The following CLN6 variants were observed in gnomAD, a reference collection of about 807,000 sequenced individuals.
CLN6 encodes the protein ceroid-lipofuscinosis neuronal protein 6.
A neutral mutation model predicts 33.3 loss-of-function variants in CLN6; 22 were observed. The ratio of observed to expected loss-of-function variants is 0.66; its 90% CI spans 0.47 to 0.94. The LOEUF (loss-of-function observed/expected upper bound fraction) is 0.94, where lower values mean the gene tolerates loss of function less well. Among genes scored for constraint, CLN6 ranks in the 40% least tolerant of loss-of-function variants. CLN6 has a pLI of 0.00. For missense variants in CLN6, 387 were observed against 417.1 expected, an observed-to-expected ratio of 0.93 and a Z score of 0.63; for synonymous variants, 201 against 174.6, an observed-to-expected ratio of 1.15 and a Z score of -1.19.
At position 68,236,885 on chromosome 15, in the gene CLN6, C is replaced by T. The variant is rs1203804847; in HGVS notation, c.180-18235G>A. ...AAAACTGAATGGAGGCGGCCGGGCG[C>T]GGTGGCTCACGCCTGTAATCCCAGC... is the stretch of plus-strand genomic sequence containing the variant. On this transcript the variant is annotated intron_variant, in intron 1 of 6. Coordinates refer to the CLN6 transcript ENST00000538696. The surrounding 1 kb of genome is among the most constrained non-coding windows in gnomAD (Gnocchi z 4.5). Among the ~76,000 whole-genome samples the T allele has an allele frequency of 5.9e-5, 9 of 151,732 alleles. No homozygotes were observed. The highest frequency in any genetic ancestry group is 5.8e-4 in the East Asian group (3 of 5,150).
In CLN6 at chr15:68,228,825, G is replaced by A. The variant is rs781643643; in HGVS notation, c.83+677C>T. Among the ~76,000 whole-genome samples the A allele has an allele frequency of 1.3e-5, 2 of 152,114 alleles. No homozygotes were observed. On this transcript the variant is annotated intron_variant, in intron 1 of 6. Transcript: ENST00000249806. The surrounding 1 kb of genome is among the most constrained non-coding windows in gnomAD (Gnocchi z 4.4). ...TGGCACAGCGCTGGGCATACCACAG[G>A]CGCTTAAAGAATGCCTGCTGAATGC...
Position 68,218,202 on chromosome 15 carries a change from T to C in CLN6, c.198+334A>G, listed in dbSNP as rs147614883. On this transcript the variant is annotated intron_variant, in intron 2 of 6. Transcript: ENST00000249806. ...GTGCGGTGCTCCACTTCCTTTCCTA[T>C]ACCCCTTTGTCTGTCTTGGTGATTT... is the stretch of plus-strand genomic sequence containing the variant. The C allele has an allele frequency of 6.1e-4, 195 of 320,292 alleles. 2 individuals carry two copies. The East Asian group carries it at 0.011, about 18-fold the overall frequency. The allele number at this position is 320,292 out of a possible 1,614,324, so 19.8% of individuals were successfully genotyped here. A position where few individuals can be genotyped will look rare whatever the true frequency, so the allele number is the denominator to read the frequency against.
In CLN6 at chr15:68,208,065, C is replaced by A; in HGVS notation, c.*75G>T. The A allele has an allele frequency of 4.7e-6, 7 of 1,500,116 alleles. No homozygotes were observed. Among genetic ancestry groups the A allele is most frequent in the Admixed American group, 2.0e-5 (1 of 50,998 alleles). 92.9% of individuals were successfully genotyped at this position (1,500,116 alleles called of 1,614,324 possible). ...TCTCTGGTTACACACCCACACCCCC[C>A]CTACTCCTGTATTCAGATGCCCTCC... On this transcript the variant is annotated 3_prime_UTR_variant, in exon 7 of 7. Coordinates refer to ENST00000249806, the MANE Select transcript of CLN6 (RefSeq NM_017882.3). This position sits in a 1 kb window ranked among gnomAD's most constrained non-coding sequence, Gnocchi z 5.8.
chr15:68,224,221 G>A (rs537158226), intron 1 of CLN6, among the ~76,000 whole-genome samples: 2 of 127,384 alleles, frequency 1.6e-5, no homozygotes, highest in South Asian at 2.6e-4. Context: ...AGCTATGACC[G>A]TACCACTGCA....
intron 1 of CLN6, among the ~76,000 whole-genome samples, chr15:68,252,019 G>T (rs901424632): frequency 6.9e-6 from 1 of 145,354 alleles, no homozygotes; most frequent in Non-Finnish European, 1.5e-5. Flanking sequence ...TGTCGCCCAG[G>T]CTAGAGTGCA....
chr15:68,223,130 G>GA (rs879690049), intron 1 of CLN6, among the ~76,000 whole-genome samples: 1,908 of 143,134 alleles, frequency 0.013, 39 homozygotes, highest in African/African-American at 0.041. Flanking sequence ...AATAAATACT[G>GA]AAAAAAAAAA....
At chr15:68,252,712 G>A (rs547962012) in intron 1 of CLN6, among the ~76,000 whole-genome samples, 2 of 152,340 alleles carry the variant, frequency 1.3e-5, no homozygotes, top group Non-Finnish European at 2.9e-5. Flanking sequence ...TATATTCACA[G>A]AGTGCATGTA....
upstream of CLN6, among the ~76,000 whole-genome samples, chr15:68,234,263 A>G (rs1476462568): frequency 6.6e-6 from 1 of 152,112 alleles, no homozygotes; most frequent in East Asian, 1.9e-4. This position sits in a 1 kb window ranked among gnomAD's most constrained non-coding sequence, Gnocchi z 4.1. Flanking sequence ...GCAGCTCCCA[A>G]GTTTATCTTT....
Position 68,208,450 on chromosome 15 carries a change from A to G in CLN6, c.666-40T>C. 1.9e-6 allele frequency: 3 copies of G among 1,608,912 alleles called. No homozygotes were observed. The highest frequency in any genetic ancestry group is 2.5e-6 in the Non-Finnish European group (3 of 1,178,994). ...GGTGAGTGAGGCAGCTGCCGTGGCA[A>G]CCCCGTCCTGCCTGGCATCCCTTCC... On this transcript the variant is annotated intron_variant, in intron 6 of 6. Coordinates refer to ENST00000249806, the MANE Select transcript of CLN6 (RefSeq NM_017882.3). The surrounding 1 kb of genome is among the most constrained non-coding windows in gnomAD (Gnocchi z 5.8).
At chr15:68,214,133 G>A in intron 3 of CLN6, 157 bp downstream of exon 3, 1 of 638,992 alleles carries the variant, frequency 1.6e-6, no homozygotes, top group Non-Finnish European at 2.8e-6. Context: ...GCCTTCCCCG[G>A]GCCCCAGGCC....
intron 1 of CLN6, among the ~76,000 whole-genome samples, chr15:68,248,733 G>C (rs1292016761): frequency 6.6e-6 from 1 of 151,746 alleles, no homozygotes; most frequent in Non-Finnish European, 1.5e-5. Flanking sequence ...CCAGGACATT[G>C]GTCAGGGCAA....
rs1395814349 is a variant in CLN6, at chr15:68,227,736, G to C, written c.83+1766C>G. Among the ~76,000 whole-genome samples, 1 of 152,162 alleles carries C rather than the reference G, an allele frequency of 6.6e-6. No homozygotes were observed. The highest frequency in any genetic ancestry group is 1.5e-5 in the Non-Finnish European group (1 of 68,032). On this transcript the variant is annotated intron_variant, in intron 1 of 6. Transcript: ENST00000249806. This position sits in a 1 kb window ranked among gnomAD's most constrained non-coding sequence, Gnocchi z 4.1. ...TGCCAGCAAATGATGTAACCTCTTT[G>C]GGCCTCCATTTCCCCATCTGTACAT...
chr15:68,256,887 C>A lies in CLN6; in HGVS notation c.-19G>T. 1 of 661,114 alleles carries A rather than the reference C, an allele frequency of 1.5e-6. No homozygotes were observed. The highest frequency in any genetic ancestry group is 1.7e-5 in the South Asian group (1 of 60,042). The allele number at this position is 661,114 out of a possible 1,614,324, so 41.0% of individuals were successfully genotyped here. Reference sequence around the variant, plus strand: ...CTGCCATTTTCCGCCCAGGCAAGGTCCTGGGCGCGGCTCTGGGGAGGGTCA... The same window carrying A: ...CTGCCATTTTCCGCCCAGGCAAGGTACTGGGCGCGGCTCTGGGGAGGGTCA... On this transcript the variant is annotated 5_prime_UTR_variant, in exon 1 of 7. Transcript: ENST00000538696. This position sits in a 1 kb window ranked among gnomAD's most constrained non-coding sequence, Gnocchi z 4.1.
intron 1 of CLN6, among the ~76,000 whole-genome samples, chr15:68,243,536 C>T (rs1892297096): frequency 6.6e-6 from 1 of 152,056 alleles, no homozygotes; most frequent in Admixed American, 6.6e-5. Flanking sequence ...GGGTGGATCA[C>T]CTGAGGTCAA....
At chr15:68,231,444 G>A (rs2093268485), upstream of CLN6, among the ~76,000 whole-genome samples, 1 of 152,100 alleles carries the variant, frequency 6.6e-6, no homozygotes. Flanking sequence ...CACTCAGACG[G>A]GGCCCCAGAT....
chr15:68,223,303 G>C (rs1009195249), intron 1 of CLN6, among the ~76,000 whole-genome samples: 6 of 152,130 alleles, frequency 3.9e-5, no homozygotes, highest in African/African-American at 1.2e-4. Flanking sequence ...GAGATGCCTG[G>C]CTTACTGGAG....
rs1301960189 is a variant in CLN6, at chr15:68,210,366, C to T, written c.543-607G>A. Among the ~76,000 whole-genome samples the T allele has an allele frequency of 6.6e-6, 1 of 152,236 alleles. No individual in the cohort carries two copies. Among genetic ancestry groups the T allele is most frequent in the Non-Finnish European group, 1.5e-5 (1 of 68,046 alleles). ...GGCTCCAGCTCTCTGTTCCTAGCCC[C>T]TCCACCCTTCCCCAACCTTCTGTGG... On this transcript the variant is annotated intron_variant, in intron 5 of 6. Transcript: ENST00000249806. The surrounding 1 kb of genome is among the most constrained non-coding windows in gnomAD (Gnocchi z 5.6).
rs144497360 is a variant in CLN6, at chr15:68,208,896, T to G, written c.666-486A>C. 6.6e-6 allele frequency among the ~76,000 whole-genome samples: 1 copy of G among 152,210 alleles called. No individual in the cohort carries two copies. The highest frequency in any genetic ancestry group is 6.5e-5 in the Admixed American group (1 of 15,290). ...GCCCCAGTGGGCCATCTCAGCCACATAGGGGACAGGCCGGGGAGAGGATCT... is the reference window on the plus strand; with the variant it reads ...GCCCCAGTGGGCCATCTCAGCCACAGAGGGGACAGGCCGGGGAGAGGATCT... On this transcript the variant is annotated intron_variant, in intron 6 of 6. Transcript: ENST00000249806. The surrounding 1 kb of genome is among the most constrained non-coding windows in gnomAD (Gnocchi z 5.8).
rs1465707880 is a variant in CLN6 at position 68,256,328 on chromosome 15, AG to A, written c.179+361del. On this transcript the variant is annotated intron_variant, in intron 1 of 6. Coordinates refer to the CLN6 transcript ENST00000538696. This position sits in a 1 kb window ranked among gnomAD's most constrained non-coding sequence, Gnocchi z 4.1. ...TTCACTATGTTGGCCAGGCTGGTTG[AG>A]AACTCCTGACCTCAAGTGATCCGCC... is the stretch of plus-strand genomic sequence containing the variant. Among the ~76,000 whole-genome samples, 14 of 151,384 alleles carry A rather than the reference AG, an allele frequency of 9.2e-5. No homozygotes were observed. Among genetic ancestry groups the A allele is most frequent in the Non-Finnish European group, 7.4e-5 (5 of 67,788 alleles).
Sources: allele counts gnomAD v4.1 joint callset (sites outside exome capture counted in the v4.1 genomes callset), GRCh38; gene constraint gnomAD v4.1.1; non-coding constraint Gnocchi (gnomAD v3.1); transcripts MANE v1.5; gene names NCBI Gene and HGNC (gene_info 2026-07-23, HGNC 2026-07-21).